Variants in EXOC4 observed in about 807,000 individuals in gnomAD.
EXOC4 encodes exocyst complex component 4, also known as SEC8-like 1.
In EXOC4, 71 loss-of-function variants were observed where a neutral mutation model predicts 107.2. The ratio of observed to expected loss-of-function variants is 0.66; its 90% CI spans 0.55 to 0.81. The LOEUF (loss-of-function observed/expected upper bound fraction) is 0.81, where lower values mean the gene tolerates loss of function less well. Among genes scored for constraint, EXOC4 ranks in the 30% least tolerant of loss-of-function variants. The pLI is 0.00. For synonymous variants in EXOC4, 456 were observed against 441.2 expected, an observed-to-expected ratio of 1.03 and a Z score of -0.42; for missense variants, 1,108 against 1,189.6, an observed-to-expected ratio of 0.93 and a Z score of 1.01.
chr7:133,516,473 T>C (rs1799877439), intron 9 of EXOC4, among the ~76,000 whole-genome samples: 1 of 152,178 alleles, frequency 6.6e-6, no homozygotes, highest in Non-Finnish European at 1.5e-5. Flanking sequence ...TGACTGGCTT[T>C]TTTCACTTAG....
At chr7:133,735,651 C>G (rs1379920888) in intron 10 of EXOC4, among the ~76,000 whole-genome samples, 1 of 151,930 alleles carries the variant, frequency 6.6e-6, no homozygotes, top group Non-Finnish European at 1.5e-5. Context: ...TCTTTTTTCA[C>G]TTTTTCTGAG....
At chr7:133,871,252 A>C (rs1339181365) in intron 11 of EXOC4, among the ~76,000 whole-genome samples, 1 of 151,974 alleles carries the variant, frequency 6.6e-6, no homozygotes, top group African/African-American at 2.4e-5. Flanking sequence ...CAACATTTTT[A>C]AGTTCAGTGA....
At chr7:133,562,361 T>C (rs1375819530) in intron 9 of EXOC4, among the ~76,000 whole-genome samples, 1 of 152,140 alleles carries the variant, frequency 6.6e-6, no homozygotes, top group Non-Finnish European at 1.5e-5. Flanking sequence ...GTTCTCATGG[T>C]GTTGCTCTGG....
In EXOC4 at chr7:133,735,219, C is replaced by CAAAAAAAAAA. The variant is rs56769096; in HGVS notation, c.1515-82082_1515-82073dup. Among the ~76,000 whole-genome samples the CAAAAAAAAAA allele has an allele frequency of 1.8e-4, 6 of 33,504 alleles. 2 individuals carry two copies. The highest frequency in any genetic ancestry group is 2.9e-4 in the Non-Finnish European group (6 of 21,036). 22.0% of individuals were successfully genotyped at this position (33,504 alleles called of 152,430 possible). On this transcript the variant is annotated intron_variant, in intron 10 of 17. Coordinates refer to ENST00000253861, the MANE Select transcript of EXOC4 (RefSeq NM_021807.4). ...TGGGTGACAGAGGAAGACTCTGTCT[C>CAAAAAAAAAA]AAAAAAAAAAAAAAAAAAAAAAAAA...
intron 11 of EXOC4, among the ~76,000 whole-genome samples, chr7:133,880,528 G>A (rs556772972): frequency 3.3e-5 from 5 of 152,250 alleles, no homozygotes; most frequent in South Asian, 2.1e-4. Context: ...CAACTTAGCC[G>A]TAGAGTTGCA....
At chr7:134,068,938 G>A (rs933106945), downstream of EXOC4, among the ~76,000 whole-genome samples, 10 of 152,100 alleles carry the variant, frequency 6.6e-5, no homozygotes, top group Non-Finnish European at 1.3e-4. Flanking sequence ...TATGGGAGTC[G>A]GGCAATGACA....
intron 11 of EXOC4, among the ~76,000 whole-genome samples, chr7:133,885,982 C>T (rs970007893): frequency 6.6e-6 from 1 of 152,028 alleles, no homozygotes; most frequent in Non-Finnish European, 1.5e-5. Context: ...TAGGAAGGAT[C>T]GAGAAGTAAG....
intron 7 of EXOC4, among the ~76,000 whole-genome samples, chr7:133,415,259 A>G (rs1797449528): frequency 1.3e-5 from 2 of 152,178 alleles, no homozygotes; most frequent in African/African-American, 2.4e-5. Context: ...GTTTTTGTGT[A>G]GACATGTGTT....
At chr7:133,802,588 G>GTGGC (rs1412624357) in intron 10 of EXOC4, among the ~76,000 whole-genome samples, 8 of 152,174 alleles carry the variant, frequency 5.3e-5, no homozygotes, top group Non-Finnish European at 7.3e-5. Context: ...GCCGGGCGCA[G>GTGGC]TGGCTCACAC....
At chr7:133,574,201 TTG>T (rs1801080572) in intron 9 of EXOC4, among the ~76,000 whole-genome samples, 1 of 152,106 alleles carries the variant, frequency 6.6e-6, no homozygotes, top group Non-Finnish European at 1.5e-5. Context: ...GTGTGTATGT[TTG>T]TGCACACGTA....
At chr7:133,477,726 C>T (rs1477393223) in intron 8 of EXOC4, among the ~76,000 whole-genome samples, 1 of 152,190 alleles carries the variant, frequency 6.6e-6, no homozygotes, top group Non-Finnish European at 1.5e-5. Flanking sequence ...AAGACACTGT[C>T]AAACTGTCTT....
At chr7:133,725,623 ACCTCAGC>A (rs1477990628) in intron 10 of EXOC4, among the ~76,000 whole-genome samples, 5 of 152,180 alleles carry the variant, frequency 3.3e-5, no homozygotes, top group Admixed American at 3.3e-4. Context: ...TTATCCAGCC[ACCTCAGC>A]CGTCCAAAGT....
At chr7:133,717,988 G>A (rs1795032489) in intron 10 of EXOC4, among the ~76,000 whole-genome samples, 2 of 152,156 alleles carry the variant, frequency 1.3e-5, no homozygotes, top group South Asian at 2.1e-4. Context: ...CCTTAAAAAA[G>A]TGAGTGAGAC....
intron 5 of EXOC4, among the ~76,000 whole-genome samples, chr7:133,347,297 G>C (rs148132707): frequency 3.7e-4 from 56 of 150,336 alleles, no homozygotes; most frequent in African/African-American, 1.3e-3. Flanking sequence ...AGGCTAGAGT[G>C]CAGTGGTGCG....
chr7:133,480,323 C>T (rs1799124127), intron 9 of EXOC4, 185 bp downstream of exon 9: 2 of 1,421,636 alleles, frequency 1.4e-6, no homozygotes, highest in South Asian at 2.9e-5. Context: ...TTACTGTGGC[C>T]ATAGGACTTG....
chr7:133,665,152 A>C lies in EXOC4; in HGVS notation c.1514+35011A>C, dbSNP rs143734585. The stretch of plus-strand genomic sequence containing the variant: ...GTTATTTTTACTTGTAGACACTTAC[A>C]CCATGGTCACAGGAATCTATACTGA... On this transcript the variant is annotated intron_variant, in intron 10 of 17. Coordinates refer to ENST00000253861, the MANE Select transcript of EXOC4 (RefSeq NM_021807.4). Among the ~76,000 whole-genome samples, 655 of 152,298 alleles carry C rather than the reference A, an allele frequency of 4.3e-3. 2 individuals are homozygous for C. Among genetic ancestry groups the C allele is most frequent in the African/African-American group, 0.015 (629 of 41,566 alleles).
At chr7:133,962,350 G>A (rs1421891734) in intron 14 of EXOC4, among the ~76,000 whole-genome samples, 6 of 152,146 alleles carry the variant, frequency 3.9e-5, no homozygotes, top group Non-Finnish European at 8.8e-5. Flanking sequence ...ATACCCCTGA[G>A]CTTTTCTGTC....
At chr7:133,826,937 C>T (rs755009778) in intron 11 of EXOC4, among the ~76,000 whole-genome samples, 24 of 152,284 alleles carry the variant, frequency 1.6e-4, no homozygotes, top group Admixed American at 2.6e-4. Context: ...CAAACCTGGT[C>T]ATTTTGATTC....
intron 9 of EXOC4, among the ~76,000 whole-genome samples, chr7:133,490,736 A>C (rs1292696803): frequency 3.3e-5 from 5 of 152,216 alleles, no homozygotes; most frequent in Non-Finnish European, 7.3e-5. Context: ...AGAATTGATA[A>C]GAACCAATGG....
Sources: gnomAD v4.1 joint callset for allele counts (sites outside exome capture counted in the v4.1 genomes callset) on GRCh38, gnomAD v4.1.1 for gene constraint, MANE v1.5 for transcripts, NCBI Gene and HGNC (gene_info 2026-07-23, HGNC 2026-07-21) for gene names.